Variants in ARHGEF17 observed in about 807,000 individuals in gnomAD.
The protein encoded by ARHGEF17 is Rho guanine nucleotide exchange factor 17, also known as 164 kDa Rho-specific guanine-nucleotide exchange factor.
ARHGEF17 carries 80 observed loss-of-function variants against 174.0 expected under a neutral mutation model. The observed-to-expected ratio is 0.46, with a 90% CI of 0.38 to 0.55. The LOEUF is 0.55. Ranked by LOEUF, ARHGEF17 falls within the 20% of genes least tolerant of loss-of-function variation. ARHGEF17 has a pLI of 0.00. For missense variants in ARHGEF17, 2,886 were observed against 2,839.7 expected (o/e 1.02, Z -0.37); for synonymous variants, 1,311 against 1,189.1 (o/e 1.10, Z -2.11).
chr11:73,360,630 G>C (rs144411376), intron 11 of ARHGEF17, 97 bp downstream of exon 11: 3 of 1,314,666 alleles, frequency 2.3e-6, no homozygotes, highest in South Asian at 2.5e-5. Context: ...AGCCAGAACC[G>C]CAGTGCCCTG....
At chr11:73,363,503 C>T in intron 15 of ARHGEF17, 48 bp downstream of exon 15, 1 of 1,574,168 alleles carries the variant, frequency 6.4e-7, no homozygotes, top group Non-Finnish European at 8.6e-7. Flanking sequence ...ACTCTGAGCT[C>T]CCTGCTCTGG....
rs1268502833 is a variant in ARHGEF17, at chr11:73,308,776, G to A, written c.138G>A (p.Pro46=). ...PGLRRRASCR[P]TTAARGQPSR... ...TGAGGCGACGCGCCTCGTGCCGGCCGACCACGGCTGCCCGGGGCCAGCCCT... is the reference window on the plus strand; with the variant it reads ...TGAGGCGACGCGCCTCGTGCCGGCCAACCACGGCTGCCCGGGGCCAGCCCT... The change falls in exon 1 of 21, where the codon CCG becomes CCA. Residue 46 remains proline (P), a synonymous_variant. Transcript: ENST00000263674. The A allele has an allele frequency of 2.1e-6, 3 of 1,431,138 alleles. No individual in the cohort carries two copies. The highest frequency in any genetic ancestry group is 2.9e-5 in the South Asian group (2 of 69,482). 88.7% of individuals were successfully genotyped at this position (1,431,138 alleles called of 1,614,324 possible).
intron 1 of ARHGEF17, among the ~76,000 whole-genome samples, chr11:73,319,364 C>T (rs1864979104): frequency 6.6e-6 from 1 of 152,204 alleles, no homozygotes; most frequent in Non-Finnish European, 1.5e-5. Context: ...GCCCGGCCTC[C>T]TTCCTCCTTC....
chr11:73,366,444 G>A (rs1865840389), intron 20 of ARHGEF17, among the ~76,000 whole-genome samples: 1 of 152,112 alleles, frequency 6.6e-6, no homozygotes, highest in South Asian at 2.1e-4. Context: ...TGAAACAGCC[G>A]GGTGCCAGGC....
At chr11:73,328,703 G>A (rs1865143009) in intron 1 of ARHGEF17, among the ~76,000 whole-genome samples, 1 of 152,222 alleles carries the variant, frequency 6.6e-6, no homozygotes, top group South Asian at 2.1e-4. Context: ...CAAACTTGGG[G>A]CTCCAAGGCA....
At chr11:73,331,588 C>A (rs1720494751) in intron 1 of ARHGEF17, among the ~76,000 whole-genome samples, 1 of 152,136 alleles carries the variant, frequency 6.6e-6, no homozygotes, top group Admixed American at 6.5e-5. Flanking sequence ...GGCCTCCCAC[C>A]CCTGGGGGCC....
rs1212306545 is a variant in ARHGEF17, at chr11:73,360,384, C to T, written c.4271C>T (p.Ala1424Val). The change falls in exon 11 of 21, where the codon GCG becomes GTG. Residue 1424 changes from alanine to valine, a missense_variant. Ala to Val is a moderately conservative substitution (Grantham distance 64). This residue lies in a region of ARHGEF17 where 476 missense variants were observed against 473.1 expected (regional missense o/e 1.01). Coordinates refer to ENST00000263674, the MANE Select transcript of ARHGEF17 (RefSeq NM_014786.4). ...CACCGGGACCTGTCGGAGAAGCAGG[C>T]GCTGTGCTACGCGCTTTCCTTCCCG... is the stretch of plus-strand genomic sequence containing the variant. ...AMHRDLSEKQ[A>V]LCYALSFPPT... 4 of 1,613,808 alleles carry T rather than the reference C, an allele frequency of 2.5e-6. No individual in the cohort carries two copies. Among genetic ancestry groups the T allele is most frequent in the Admixed American group, 1.7e-5 (1 of 60,008 alleles).
At chr11:73,353,341 G>C (rs1034544105) in intron 3 of ARHGEF17, 2 of 373,844 alleles carry the variant, frequency 5.3e-6, no homozygotes, top group East Asian at 5.1e-5. Context: ...CGCTGACCCA[G>C]ACCTCAGATG....
Position 73,319,157 on chromosome 11 carries a change from G to T in ARHGEF17, c.3192+7327G>T, listed in dbSNP as rs1339621914. Reference sequence around the variant, plus strand: ...CAGCTCACTGCAACCTCCACTTCCCGGGTTCAAGCAATTCTCCTGCCTCAG... The same window carrying T: ...CAGCTCACTGCAACCTCCACTTCCCTGGTTCAAGCAATTCTCCTGCCTCAG... On this transcript the variant is annotated intron_variant, in intron 1 of 20. Coordinates refer to ENST00000263674, the MANE Select transcript of ARHGEF17 (RefSeq NM_014786.4). Among the ~76,000 whole-genome samples the T allele has an allele frequency of 4.0e-5, 6 of 150,704 alleles. No individual in the cohort carries two copies. In the Admixed American group the frequency reaches 4.0e-4, roughly 10 times the overall value.
intron 9 of ARHGEF17, 90 bp downstream of exon 9, chr11:73,357,417 G>C (rs2134418580): frequency 8.0e-7 from 1 of 1,249,464 alleles, no homozygotes; most frequent in East Asian, 2.5e-5. Context: ...CTGGCTGCCT[G>C]TCCAGCTGCT....
At chr11:73,347,454 T>G (rs1275474664) in intron 2 of ARHGEF17, among the ~76,000 whole-genome samples, 1 of 152,062 alleles carries the variant, frequency 6.6e-6, no homozygotes, top group East Asian at 1.9e-4. Context: ...TCTAGAAACA[T>G]CGAGGGGCAC....
intron 10 of ARHGEF17, among the ~76,000 whole-genome samples, 157 bp downstream of exon 10, chr11:73,360,109 A>G (rs1049778606): frequency 2.0e-5 from 3 of 152,192 alleles, no homozygotes; most frequent in African/African-American, 7.2e-5. Context: ...GGGGGAAGTA[A>G]CATGTTCCAG....
intron 18 of ARHGEF17, chr11:73,364,842 C>T: frequency 2.0e-6 from 1 of 502,070 alleles, no homozygotes. Flanking sequence ...CCTGCCCACC[C>T]TATCTCTCAA....
chr11:73,335,458 A>G (rs1865271194), intron 1 of ARHGEF17, among the ~76,000 whole-genome samples: 1 of 151,970 alleles, frequency 6.6e-6, no homozygotes, highest in Non-Finnish European at 1.5e-5. Context: ...TATTATCCAT[A>G]ATGAGAAACT....
At position 73,353,021 on chromosome 11, in the gene ARHGEF17, C is replaced by T; in HGVS notation, c.3453+9C>T. ...CCCTGCTCGTCCAGTCGGTGAGTGG[C>T]CCCGCTGCTGCCAATTCCCACAAGC... On this transcript the variant is annotated intron_variant, in intron 3 of 20. Transcript: ENST00000263674. The T allele has an allele frequency of 6.2e-7, 1 of 1,612,770 alleles. No homozygotes were observed. Among genetic ancestry groups the T allele is most frequent in the Non-Finnish European group, 8.5e-7 (1 of 1,179,586 alleles).
chr11:73,361,306 T>C (rs1865734265), intron 12 of ARHGEF17, 145 bp downstream of exon 12: 1 of 719,132 alleles, frequency 1.4e-6, no homozygotes, highest in East Asian at 2.7e-5. Flanking sequence ...TACATGTGTG[T>C]GGGTGCTGCA....
intron 1 of ARHGEF17, among the ~76,000 whole-genome samples, chr11:73,316,690 G>A (rs1864933677): frequency 6.6e-6 from 1 of 152,320 alleles, no homozygotes; most frequent in East Asian, 1.9e-4. Context: ...GATCAGAGGT[G>A]GGTTAGGGTG....
At chr11:73,320,283 G>C (rs1167756026) in intron 1 of ARHGEF17, among the ~76,000 whole-genome samples, 1 of 152,112 alleles carries the variant, frequency 6.6e-6, no homozygotes, top group African/African-American at 2.4e-5. Flanking sequence ...CTACTCCCCC[G>C]AGGCTGTAGT....
chr11:73,363,868 C>G (rs375007104), intron 16 of ARHGEF17, 35 bp downstream of exon 16: 18 of 1,597,262 alleles, frequency 1.1e-5, no homozygotes, highest in Non-Finnish European at 1.5e-5. Flanking sequence ...TATCTAGACT[C>G]TTCTCAGCCA....
Sources: gnomAD v4.1 joint callset for allele counts (sites outside exome capture counted in the v4.1 genomes callset) on GRCh38, gnomAD v4.1.1 for gene constraint, gnomAD v4.1.1 regional missense constraint, MANE v1.5 for transcripts, NCBI Gene and HGNC (gene_info 2026-07-23, HGNC 2026-07-21) for gene names.